Variants in MTUS2 observed in about 807,000 individuals in gnomAD.
MTUS2 encodes microtubule associated scaffold protein 2, also known as microtubule-associated tumor suppressor candidate 2.
Under a neutral mutation model 114.1 loss-of-function variants are expected in MTUS2, and 40 were observed. The ratio of observed to expected loss-of-function variants is 0.35; its 90% CI spans 0.27 to 0.46. The LOEUF (loss-of-function observed/expected upper bound fraction) is 0.46, where lower values mean the gene tolerates loss of function less well. MTUS2 is among the 20% of genes least tolerant of loss of function. The pLI, the probability that MTUS2 is intolerant of heterozygous loss-of-function variation, is 1.00. For synonymous variants in MTUS2, 688 were observed against 672.0 expected (o/e 1.02, Z -0.37); for missense variants, 1,679 against 1,705.4 (o/e 0.98, Z 0.27).
At chr13:29,465,797 C>T (rs1354065805) in intron 9 of MTUS2, among the ~76,000 whole-genome samples, 2 of 152,216 alleles carry the variant, frequency 1.3e-5, no homozygotes, top group Non-Finnish European at 2.9e-5. Flanking sequence ...GCCTCTGCTC[C>T]ATAAGGTTGC....
At chr13:29,106,833 A>G (rs1390561582) in intron 5 of MTUS2, among the ~76,000 whole-genome samples, 1 of 152,050 alleles carries the variant, frequency 6.6e-6, no homozygotes, top group Non-Finnish European at 1.5e-5. Context: ...CCCCGTTTCA[A>G]TTGCTGCATG....
At position 29,081,729 on chromosome 13, in the gene MTUS2, T is replaced by C. The variant is rs138060740; in HGVS notation, c.2447-19044T>C. Among the ~76,000 whole-genome samples, 65 of 150,906 alleles carry C rather than the reference T, an allele frequency of 4.3e-4. 1 individual carries two copies. The East Asian group carries it at 0.012, about 29-fold the overall frequency. ...GTGTGACTTTAATTTATATTTTGGG[T>C]ATCTGTAGGGCGAGAGATTACCAGA... On this transcript the variant is annotated intron_variant, in intron 4 of 15. Coordinates refer to ENST00000612955, the MANE Select transcript of MTUS2 (RefSeq NM_001033602.4).
intron 9 of MTUS2, among the ~76,000 whole-genome samples, chr13:29,440,977 CTCCCTTTGTTAAAATGT>C: frequency 6.6e-6 from 1 of 152,330 alleles, no homozygotes; most frequent in Middle Eastern, 3.4e-3. Context: ...GTATTCCTCT[CTCCCTTTGTTAAAATGT>C]TTTCTTTTTC....
chr13:29,157,582 C>T (rs928424400), intron 5 of MTUS2, among the ~76,000 whole-genome samples: 1 of 152,118 alleles, frequency 6.6e-6, no homozygotes, highest in Non-Finnish European at 1.5e-5. Flanking sequence ...AGTGAAACCC[C>T]AGCACTGCCT....
chr13:28,846,055 AATATAT>A, intron 2 of MTUS2, among the ~76,000 whole-genome samples: 1 of 143,174 alleles, frequency 7.0e-6, no homozygotes, highest in African/African-American at 2.5e-5. Flanking sequence ...TTAAAAAAAA[AATATAT>A]ATATATATAT....
chr13:28,934,886 C>T (rs1160185481), intron 2 of MTUS2, among the ~76,000 whole-genome samples: 1 of 151,828 alleles, frequency 6.6e-6, no homozygotes, highest in Non-Finnish European at 1.5e-5. Context: ...GACACACATA[C>T]AATACTGTGT....
intron 5 of MTUS2, among the ~76,000 whole-genome samples, chr13:29,252,909 T>G (rs746414467): frequency 3.3e-5 from 5 of 150,636 alleles, no homozygotes; most frequent in East Asian, 2.1e-4. Flanking sequence ...CCATTAAGCT[T>G]CTTTTTTTTT....
chr13:28,980,494 C>G (rs918033996), intron 2 of MTUS2, among the ~76,000 whole-genome samples: 10 of 152,168 alleles, frequency 6.6e-5, no homozygotes, highest in African/African-American at 2.4e-4. Flanking sequence ...CCCCTTTTTA[C>G]ATAAAAATAG....
At chr13:29,459,425 C>T (rs1326991970) in intron 9 of MTUS2, among the ~76,000 whole-genome samples, 4 of 152,120 alleles carry the variant, frequency 2.6e-5, no homozygotes, top group Non-Finnish European at 4.4e-5. Flanking sequence ...GCTTCTTCCT[C>T]GTTATTATTA....
intron 7 of MTUS2, among the ~76,000 whole-genome samples, chr13:29,355,309 G>T (rs1869645804): frequency 6.6e-6 from 1 of 152,242 alleles, no homozygotes; most frequent in Non-Finnish European, 1.5e-5. Context: ...CCTCACAGTT[G>T]CCAGCTGCCA....
chr13:29,094,631 A>C (rs575292881), intron 4 of MTUS2, among the ~76,000 whole-genome samples: 8 of 152,066 alleles, frequency 5.3e-5, no homozygotes, highest in African/African-American at 1.9e-4. Flanking sequence ...AAGAACTAGG[A>C]TTTTGTTTTC....
intron 2 of MTUS2, among the ~76,000 whole-genome samples, chr13:28,896,748 C>G (rs1239400924): frequency 6.6e-6 from 1 of 152,198 alleles, no homozygotes; most frequent in African/African-American, 2.4e-5. Context: ...AATAATGCTG[C>G]ATATCTACAA....
intron 4 of MTUS2, among the ~76,000 whole-genome samples, chr13:29,043,574 A>C (rs758012960): frequency 4.0e-5 from 6 of 149,636 alleles, no homozygotes; most frequent in Admixed American, 2.0e-4. Context: ...GTCATATGTC[A>C]TTTTTTTTAG....
chr13:29,413,322 T>C lies in MTUS2; in HGVS notation c.3118-26661T>C, dbSNP rs144062331. ...AAGGTTTGGTAGAAGACTGTAGATT[T>C]AAACGTTAGACCTAAAACCATAAAA... On this transcript the variant is annotated intron_variant, in intron 8 of 15. Transcript: ENST00000612955. Among the ~76,000 whole-genome samples, 48 of 152,254 alleles carry C rather than the reference T, an allele frequency of 3.2e-4. No individual in the cohort carries two copies. The East Asian group carries it at 8.1e-3, about 26-fold the overall frequency.
At chr13:29,213,948 G>A (rs1390089099) in intron 5 of MTUS2, among the ~76,000 whole-genome samples, 1 of 146,166 alleles carries the variant, frequency 6.8e-6, no homozygotes, top group African/African-American at 2.5e-5. Flanking sequence ...ATTTTTTTTT[G>A]TTCATGTATT....
At chr13:29,487,859 A>G (rs1881741973) in intron 10 of MTUS2, 41 bp from the exon 11 acceptor site, 3 of 1,474,160 alleles carry the variant, frequency 2.0e-6, no homozygotes, top group Non-Finnish European at 2.8e-6. Context: ...CTGTTCTCCA[A>G]GCAGCTCTCT....
intron 4 of MTUS2, among the ~76,000 whole-genome samples, chr13:29,066,758 A>G (rs1443436932): frequency 2.0e-5 from 3 of 152,236 alleles, no homozygotes; most frequent in Non-Finnish European, 4.4e-5. Context: ...TCCATAACTT[A>G]ATGGGTATAT....
chr13:29,024,159 A>T (rs1286026111), intron 2 of MTUS2, among the ~76,000 whole-genome samples: 2 of 152,206 alleles, frequency 1.3e-5, no homozygotes, highest in African/African-American at 4.8e-5. Context: ...TTCTGTAAAG[A>T]AGAGCCCTTA....
chr13:29,192,406 G>C (rs1027621348), intron 5 of MTUS2, among the ~76,000 whole-genome samples: 1 of 152,186 alleles, frequency 6.6e-6, no homozygotes, highest in Non-Finnish European at 1.5e-5. Context: ...GTTGGTGAAA[G>C]AGAAGGATAG....
Sources: gnomAD v4.1 joint callset for allele counts (sites outside exome capture counted in the v4.1 genomes callset) on GRCh38, gnomAD v4.1.1 for gene constraint, MANE v1.5 for transcripts, NCBI Gene and HGNC (gene_info 2026-07-23, HGNC 2026-07-21) for gene names.